Variants in RAI14 observed in about 807,000 individuals in gnomAD.
RAI14 encodes the protein ankycorbin.
In RAI14, 45 loss-of-function variants were observed where a neutral mutation model predicts 115.4. The ratio of observed to expected loss-of-function variants is 0.39; its 90% confidence interval spans 0.31 to 0.50. The LOEUF is 0.50. RAI14 is among the 20% of genes least tolerant of loss of function. The pLI is 0.85. For missense variants in RAI14, 939 were observed against 1,131.2 expected (o/e 0.83, Z 2.44); for synonymous variants, 371 against 415.4 (o/e 0.89, Z 1.30).
chr5:34,726,828 G>A (rs62355681), intron 2 of RAI14, among the ~76,000 whole-genome samples: 1 of 151,932 alleles, frequency 6.6e-6, no homozygotes, highest in East Asian at 1.9e-4. Flanking sequence ...TGAGGTCTCC[G>A]CAGTCATGCG....
chr5:34,778,437 G>C (rs562640123), intron 3 of RAI14, among the ~76,000 whole-genome samples: 76 of 152,338 alleles, frequency 5.0e-4, no homozygotes, highest in Non-Finnish European at 9.3e-4. Context: ...GCTCACGCCT[G>C]TAATCCCAAC....
intron 8 of RAI14, 82 bp from the exon 9 acceptor site, chr5:34,811,685 T>C: frequency 1.5e-6 from 2 of 1,290,472 alleles, no homozygotes; most frequent in Admixed American, 5.1e-5. Context: ...TCTTCTTTTC[T>C]CTTTTTTTAA....
At chr5:34,690,378 G>A (rs573521232) in intron 2 of RAI14, among the ~76,000 whole-genome samples, 17 of 152,278 alleles carry the variant, frequency 1.1e-4, no homozygotes, top group African/African-American at 1.7e-4. Flanking sequence ...AGGTTCTCGC[G>A]CTTGCATAAA....
chr5:34,663,803 C>T (rs1225573749), intron 1 of RAI14, among the ~76,000 whole-genome samples: 2 of 152,174 alleles, frequency 1.3e-5, no homozygotes, highest in East Asian at 1.9e-4. Context: ...CAACAAAGTG[C>T]GAAGTCGAAG....
intron 2 of RAI14, among the ~76,000 whole-genome samples, chr5:34,750,666 C>T (rs535819514): frequency 6.6e-6 from 1 of 152,102 alleles, no homozygotes; most frequent in South Asian, 2.1e-4. Context: ...GAAAAGTACA[C>T]AAAACCATGT....
chr5:34,756,605 A>G (rs1243409279), intron 2 of RAI14, among the ~76,000 whole-genome samples: 2 of 152,148 alleles, frequency 1.3e-5, no homozygotes, highest in Non-Finnish European at 2.9e-5. Flanking sequence ...ACGTGCTTCA[A>G]CACCTCCCAA....
intron 4 of RAI14, among the ~76,000 whole-genome samples, chr5:34,801,136 C>T (rs1754211113): frequency 6.6e-6 from 1 of 152,172 alleles, no homozygotes. Context: ...AAATCTTTGT[C>T]TTCTTACTTC....
At chr5:34,739,682 C>T (rs1344676913) in intron 2 of RAI14, among the ~76,000 whole-genome samples, 2 of 152,136 alleles carry the variant, frequency 1.3e-5, no homozygotes, top group Non-Finnish European at 1.5e-5. Flanking sequence ...TTTCCTCAGG[C>T]AAGCATTCAT....
rs1420535118 is a variant in RAI14, at chr5:34,814,481, G to C, written c.853-102G>C. On this transcript the variant is annotated intron_variant, in intron 11 of 17. Coordinates refer to ENST00000265109, the MANE Select transcript of RAI14 (RefSeq NM_015577.3). ...TTGATGCCAAGGATACTTACTGTTA[G>C]ATTTCATTGCATTGGTTAAACAGGT... 8.7e-6 allele frequency: 7 copies of C among 805,834 alleles called. No homozygotes were observed. In the East Asian group the frequency reaches 1.8e-4, roughly 21 times the overall value. 49.9% of individuals were successfully genotyped at this position (805,834 alleles called of 1,614,324 possible).
At chr5:34,770,224 G>A (rs1445016944) in intron 3 of RAI14, among the ~76,000 whole-genome samples, 6 of 152,152 alleles carry the variant, frequency 3.9e-5, no homozygotes, top group African/African-American at 1.2e-4. Context: ...ACCACTGCAC[G>A]ACACTGTTGG....
intron 1 of RAI14, among the ~76,000 whole-genome samples, chr5:34,657,664 C>T (rs886297241): frequency 1.3e-5 from 2 of 152,196 alleles, no homozygotes; most frequent in Non-Finnish European, 2.9e-5. Flanking sequence ...GCCCAGCTGC[C>T]TGGGATGGGG....
chr5:34,719,717 C>T (rs1742434528), intron 2 of RAI14, among the ~76,000 whole-genome samples: 1 of 152,144 alleles, frequency 6.6e-6, no homozygotes, highest in Non-Finnish European at 1.5e-5. Flanking sequence ...CCTGGGTTTT[C>T]ATCTAAAAGC....
chr5:34,668,157 G>A (rs984360424), intron 1 of RAI14, among the ~76,000 whole-genome samples: 1 of 152,132 alleles, frequency 6.6e-6, no homozygotes, highest in African/African-American at 2.4e-5. Context: ...ACTTTGGGAG[G>A]CTGAGGCAGG....
intron 7 of RAI14, among the ~76,000 whole-genome samples, chr5:34,810,167 G>A (rs901883814): frequency 4.6e-5 from 7 of 152,044 alleles, no homozygotes; most frequent in African/African-American, 1.5e-4. Context: ...TGGATATATT[G>A]TAACATCTTT....
chr5:34,750,502 G>A (rs745859244), intron 2 of RAI14, among the ~76,000 whole-genome samples: 25 of 152,172 alleles, frequency 1.6e-4, no homozygotes, highest in Non-Finnish European at 2.9e-4. Flanking sequence ...GAAACAGCAA[G>A]TGAGACTGAA....
At chr5:34,814,719 T>C in intron 12 of RAI14, 50 bp downstream of exon 12, 1 of 1,374,068 alleles carries the variant, frequency 7.3e-7, no homozygotes, top group Non-Finnish European at 1.0e-6. Context: ...AGATACATGA[T>C]AGACTTGCTT....
chr5:34,788,836 G>C (rs1246896859), intron 3 of RAI14, among the ~76,000 whole-genome samples: 1 of 152,102 alleles, frequency 6.6e-6, no homozygotes, highest in East Asian at 1.9e-4. Context: ...AGGCATGGTG[G>C]CACATACCTG....
At position 34,830,813 on chromosome 5, in the gene RAI14, T is replaced by C. The variant is rs764076333; in HGVS notation, c.*48T>C. ...TGCCCCTTGTCATCTGTCTTTGTGT[T>C]AGATCCAGAGTTGTCGGCAGCCGCT... On this transcript the variant is annotated 3_prime_UTR_variant, in exon 18 of 18. Coordinates refer to ENST00000265109, the MANE Select transcript of RAI14 (RefSeq NM_015577.3). The C allele has an allele frequency of 1.2e-6, 2 of 1,611,676 alleles. No homozygotes were observed. The highest frequency in any genetic ancestry group is 1.7e-6 in the Non-Finnish European group (2 of 1,178,694).
chr5:34,725,101 TTAGA>T lies in RAI14; in HGVS notation c.37-32362_37-32359del, dbSNP rs1344927169. On this transcript the variant is annotated intron_variant, in intron 2 of 17. Transcript: ENST00000265109. ...TTAAATTAATCTCTACTTTTTATTCTTAGATAGAACTAATTAAAGTTCTAATTAT... is the reference window on the plus strand; with the variant it reads ...TTAAATTAATCTCTACTTTTTATTCTTAGAACTAATTAAAGTTCTAATTAT... Among the ~76,000 whole-genome samples, 7 of 152,268 alleles carry T rather than the reference TTAGA, an allele frequency of 4.6e-5. No homozygotes were observed. The South Asian group carries it at 6.2e-4, about 14-fold the overall frequency.
Sources: gnomAD v4.1 joint callset for allele counts (sites outside exome capture counted in the v4.1 genomes callset) on GRCh38, gnomAD v4.1.1 for gene constraint, MANE v1.5 for transcripts, NCBI Gene and HGNC (gene_info 2026-07-23, HGNC 2026-07-21) for gene names.